The following SCN7A variants were observed in gnomAD, a reference collection of about 807,000 sequenced individuals.
SCN7A encodes the protein sodium channel protein type 7 subunit alpha.
A neutral mutation model predicts 155.2 loss-of-function variants in SCN7A; 138 were observed. The ratio of observed to expected loss-of-function variants is 0.89; its 90% CI spans 0.77 to 1.02. The LOEUF (loss-of-function observed/expected upper bound fraction) is 1.02. Ranked by LOEUF, SCN7A falls within the 50% of genes least tolerant of loss-of-function variation. The pLI is 0.00. For missense variants in SCN7A, 2,058 were observed against 1,986.6 expected (o/e 1.04, Z -0.68); for synonymous variants, 693 against 649.0 (o/e 1.07, Z -1.03).
intron 7 of SCN7A, among the ~76,000 whole-genome samples, chr2:166,466,391 T>G (rs1345851780): frequency 3.3e-5 from 5 of 152,286 alleles, no homozygotes; most frequent in Non-Finnish European, 7.4e-5. Flanking sequence ...TATTATATGT[T>G]ATTCTGTAAT....
intron 21 of SCN7A, among the ~76,000 whole-genome samples, chr2:166,416,097 AC>A: frequency 6.6e-6 from 1 of 152,104 alleles, no homozygotes; most frequent in East Asian, 1.9e-4. Context: ...GGACTGAGAT[AC>A]GCCCTGGTCT....
At chr2:166,485,443 A>G (rs1212715298) in intron 2 of SCN7A, among the ~76,000 whole-genome samples, 2 of 152,168 alleles carry the variant, frequency 1.3e-5, no homozygotes, top group African/African-American at 4.8e-5. Context: ...TAACCAAAGC[A>G]AATCACTCTG....
At position 166,432,337 on chromosome 2, in the gene SCN7A, C is replaced by T. The variant is rs538487867; in HGVS notation, c.2573G>A (p.Gly858Asp). 2.5e-6 allele frequency: 4 copies of T among 1,608,722 alleles called. No homozygotes were observed. Among genetic ancestry groups the T allele is most frequent in the Admixed American group, 3.4e-5 (2 of 59,252 alleles). The stretch of plus-strand genomic sequence containing the variant: ...TCTTACCTCTTTGCTGCCTCCATCA[C>T]CAGACTTACTCTGAATCTCCTTATT... ...LDNKEIQSKS[G>D]DGGSKEKIKQ... Residue 858 changes from glycine to aspartate, a missense_variant, in exon 16 of 26, where the codon GGT (glycine) becomes GAT (aspartate). By Grantham distance (94) the Gly-to-Asp change is moderately conservative (BLOSUM62 -1). Coordinates refer to ENST00000643258, the MANE Select transcript of SCN7A (RefSeq NM_002976.4).
At chr2:166,420,624 A>C (rs1225663448) in intron 20 of SCN7A, among the ~76,000 whole-genome samples, 2 of 152,002 alleles carry the variant, frequency 1.3e-5, no homozygotes, top group Non-Finnish European at 2.9e-5. Flanking sequence ...TACATTTTTC[A>C]GACATTGGCC....
chr2:166,414,102 A>AT (rs1701276919), intron 21 of SCN7A, among the ~76,000 whole-genome samples: 1 of 86,242 alleles, frequency 1.2e-5, no homozygotes, highest in Non-Finnish European at 2.0e-5. Flanking sequence ...TATATAATAT[A>AT]TTATATATAA....
At chr2:166,439,499 A>T (rs1458508834) in intron 15 of SCN7A, among the ~76,000 whole-genome samples, 1 of 151,698 alleles carries the variant, frequency 6.6e-6, no homozygotes, top group Non-Finnish European at 1.5e-5. Flanking sequence ...ACAGAGAAAA[A>T]CAGAATTGAG....
At chr2:166,454,700 A>G (rs1407827078) in intron 11 of SCN7A, among the ~76,000 whole-genome samples, 6 of 152,088 alleles carry the variant, frequency 3.9e-5, no homozygotes, top group African/African-American at 1.2e-4. Context: ...CTCTGGCTCA[A>G]TATAGACCTT....
At chr2:166,457,707 G>C (rs551017807) in intron 10 of SCN7A, among the ~76,000 whole-genome samples, 1 of 152,274 alleles carries the variant, frequency 6.6e-6, no homozygotes, top group Admixed American at 6.5e-5. Context: ...CAACATTTTA[G>C]ATTGCCAAAC....
intron 19 of SCN7A, among the ~76,000 whole-genome samples, chr2:166,421,992 G>A (rs945404887): frequency 6.6e-6 from 1 of 152,036 alleles, no homozygotes; most frequent in African/African-American, 2.4e-5. Context: ...AGACAGCCTT[G>A]AAGTAGGCTT....
chr2:166,426,067 G>A (rs931688416), intron 18 of SCN7A, among the ~76,000 whole-genome samples: 2 of 152,082 alleles, frequency 1.3e-5, no homozygotes, highest in African/African-American at 2.4e-5. Flanking sequence ...TTCTCTAGAT[G>A]CTTTAGAGAG....
At chr2:166,439,054 T>TATATAC (rs1186699217) in intron 15 of SCN7A, among the ~76,000 whole-genome samples, 3 of 77,508 alleles carry the variant, frequency 3.9e-5, no homozygotes, top group African/African-American at 5.7e-5. Context: ...TGTGTGTGTG[T>TATATAC]GTATATATAT....
intron 25 of SCN7A, among the ~76,000 whole-genome samples, chr2:166,407,666 A>G (rs1363976374): frequency 6.6e-6 from 1 of 151,910 alleles, no homozygotes; most frequent in Admixed American, 6.6e-5. Flanking sequence ...AATTGTGAAT[A>G]AATTCCTCTA....
rs58909853 is a variant in SCN7A, at chr2:166,417,778, A to G, written c.3136-793T>C. Reference sequence around the variant, plus strand: ...AGAAGACCAATAGTTTGTACTGTCAATGAAGCCAAGAGAAGAGATTGCTTC... The same window carrying G: ...AGAAGACCAATAGTTTGTACTGTCAGTGAAGCCAAGAGAAGAGATTGCTTC... On this transcript the variant is annotated intron_variant, in intron 20 of 25. Transcript: ENST00000643258. 5.1e-3 allele frequency among the ~76,000 whole-genome samples: 773 copies of G among 151,626 alleles called. 41 individuals are homozygous for G. The East Asian group carries it at 0.11, about 22-fold the overall frequency.
chr2:166,474,858 C>T lies in SCN7A; in HGVS notation c.235-514G>A, dbSNP rs116057190. Among the ~76,000 whole-genome samples the T allele has an allele frequency of 8.1e-3, 1,219 of 151,418 alleles. 18 individuals carry two copies. Among genetic ancestry groups the T allele is most frequent in the African/African-American group, 0.027 (1,137 of 41,358 alleles). On this transcript the variant is annotated intron_variant, in intron 3 of 25. Coordinates refer to ENST00000643258, the MANE Select transcript of SCN7A (RefSeq NM_002976.4). ...AACCAAACTTGCATGATATCATTAA[C>T]ATACATATATCTAAACCAGAAATTT... is the stretch of plus-strand genomic sequence containing the variant.
At chr2:166,475,104 G>GTATATATATATATATATACGTA (rs370064873) in intron 3 of SCN7A, among the ~76,000 whole-genome samples, 1 of 86,026 alleles carries the variant, frequency 1.2e-5, no homozygotes. Context: ...ACATATATAT[G>GTATATATATATATATATACGTA]TATATATATA....
At chr2:166,465,379 A>G in intron 9 of SCN7A, 83 bp downstream of exon 9, 3 of 939,938 alleles carry the variant, frequency 3.2e-6, no homozygotes, top group Admixed American at 4.8e-5. Flanking sequence ...TCAAATGGGA[A>G]GCAACAGTAA....
rs1236289675 is a variant in SCN7A, at chr2:166,412,572, C to A, written c.3564G>T (p.Leu1188=). ...IFGVFLPLSM[L]ITVIIDNFNK... ...TGAAATTATCAATAATAACAGTAAT[C>A]AGCATACTCAGAGGGAGAAATACTC... Residue 1188 remains leucine, a synonymous_variant, in exon 23 of 26, where the codon CTG becomes CTT. Transcript: ENST00000643258. The A allele has an allele frequency of 2.0e-6, 3 of 1,507,396 alleles. No individual in the cohort carries two copies. The highest frequency in any genetic ancestry group is 2.6e-5 in the East Asian group (1 of 39,060). The allele number at this position is 1,507,396 out of a possible 1,614,324, so 93.4% of individuals were successfully genotyped here.
chr2:166,450,097 A>C (rs1024308053), intron 11 of SCN7A, among the ~76,000 whole-genome samples: 1 of 152,184 alleles, frequency 6.6e-6, no homozygotes, highest in Admixed American at 6.5e-5. Flanking sequence ...AAATAAAGAA[A>C]ATGTAGTACC....
At chr2:166,414,121 AATATATT>A (rs1456489153) in intron 21 of SCN7A, among the ~76,000 whole-genome samples, 1 of 86,358 alleles carries the variant, frequency 1.2e-5, no homozygotes. Flanking sequence ...AAATATATAT[AATATATT>A]ATATATATGT....
Sources: allele counts gnomAD v4.1 joint callset (sites outside exome capture counted in the v4.1 genomes callset), GRCh38; gene constraint gnomAD v4.1.1; transcripts MANE v1.5; gene names NCBI Gene and HGNC (gene_info 2026-07-23, HGNC 2026-07-21).